RAB11FIP3: variants seen among roughly 807,000 people sequenced by gnomAD.
RAB11FIP3 encodes the protein rab11 family-interacting protein 3.
A neutral mutation model predicts 77.8 loss-of-function variants in RAB11FIP3; 17 were observed. The ratio of observed to expected loss-of-function variants is 0.22; its 90% CI spans 0.15 to 0.33. The LOEUF (loss-of-function observed/expected upper bound fraction) is 0.33, where lower values mean the gene tolerates loss of function less well. RAB11FIP3 is among the 10% of genes least tolerant of loss of function. RAB11FIP3 has a pLI of 1.00. For missense variants in RAB11FIP3, 1,005 were observed against 1,011.2 expected, an observed-to-expected ratio of 0.99 and a Z score of 0.08; for synonymous variants, 437 against 448.2, an observed-to-expected ratio of 0.98 and a Z score of 0.31.
chr16:510,209 G>A (rs907616366), intron 8 of RAB11FIP3, among the ~76,000 whole-genome samples: 3 of 146,906 alleles, frequency 2.0e-5, no homozygotes, highest in Non-Finnish European at 4.5e-5. Context: ...GAGCGCACGC[G>A]TTGTGTGTAG....
At chr16:482,501 G>C in intron 3 of RAB11FIP3, 24 bp from the exon 4 acceptor site, 1 of 1,610,566 alleles carries the variant, frequency 6.2e-7, no homozygotes. Context: ...TGTGCCCGCT[G>C]ACTGCTGGCG....
rs114729818 is a variant in RAB11FIP3, at chr16:468,891, C to T, written c.809-2404C>T. Among the ~76,000 whole-genome samples the T allele has an allele frequency of 6.1e-3, 927 of 152,298 alleles. 10 individuals are homozygous for T. Among genetic ancestry groups the T allele is most frequent in the African/African-American group, 0.021 (882 of 41,562 alleles). ...CCATCTGTGTTCATATCCCCTGCTC[C>T]GCCCTCTGGGGCAAGACCCTCAGAT... On this transcript the variant is annotated intron_variant, in intron 2 of 13. Transcript: ENST00000262305.
In RAB11FIP3 at chr16:507,929, C is replaced by T. The variant is rs983875866; in HGVS notation, c.1499+2302C>T. Reference sequence around the variant, plus strand: ...TTTCCCGTTTTCAGTATCATCTGCCCGTTCTGAGCCATTTGCTCTCTAGCT... The same window carrying T: ...TTTCCCGTTTTCAGTATCATCTGCCTGTTCTGAGCCATTTGCTCTCTAGCT... On this transcript the variant is annotated intron_variant, in intron 8 of 13. Coordinates refer to ENST00000262305, the MANE Select transcript of RAB11FIP3 (RefSeq NM_014700.4). The surrounding 1 kb of genome is among the most constrained non-coding windows in gnomAD (Gnocchi z 4.6). Among the ~76,000 whole-genome samples the T allele has an allele frequency of 1.6e-4, 24 of 152,372 alleles. No individual in the cohort carries two copies. The East Asian group carries it at 3.9e-3, about 24-fold the overall frequency.
At chr16:454,590 GCAAAAACCAAAAAAACCCACAAAAC>G (rs751691166) in intron 1 of RAB11FIP3, among the ~76,000 whole-genome samples, 85 of 151,844 alleles carry the variant, frequency 5.6e-4, no homozygotes, top group Non-Finnish European at 1.1e-3. Flanking sequence ...AACCCCAAAA[GCAAAAACCAAAAAAACCCACAAAAC>G]CAACCATGAA....
chr16:438,581 T>C (rs1263150587), intron 1 of RAB11FIP3, among the ~76,000 whole-genome samples: 1 of 151,120 alleles, frequency 6.6e-6, no homozygotes, highest in Non-Finnish European at 1.5e-5. Context: ...AATTTTTGTA[T>C]GTTCATATTG....
chr16:427,436 C>T (rs1035415110), intron 1 of RAB11FIP3, among the ~76,000 whole-genome samples: 2 of 152,206 alleles, frequency 1.3e-5, no homozygotes, highest in South Asian at 2.1e-4. Context: ...AGGCACTACG[C>T]ACAGTACAGT....
intron 3 of RAB11FIP3, among the ~76,000 whole-genome samples, chr16:477,261 G>GA (rs985448966): frequency 2.0e-5 from 3 of 152,004 alleles, no homozygotes; most frequent in African/African-American, 7.2e-5. Flanking sequence ...TCAAAAAAAA[G>GA]AAAAAAGAAA....
chr16:441,943 A>T (rs1333416466), intron 1 of RAB11FIP3, among the ~76,000 whole-genome samples: 1 of 152,190 alleles, frequency 6.6e-6, no homozygotes, highest in Non-Finnish European at 1.5e-5. Flanking sequence ...GGTTCACGCC[A>T]TTCTCCTGCC....
In RAB11FIP3 at chr16:461,271, T is replaced by C; in HGVS notation, c.715-133T>C. On this transcript the variant is annotated intron_variant, in intron 1 of 13. Transcript: ENST00000262305. The surrounding 1 kb of genome is among the most constrained non-coding windows in gnomAD (Gnocchi z 4.5). The stretch of plus-strand genomic sequence containing the variant: ...GACAGGAGGGGAGCTCAGGCGGTAA[T>C]GCTCCCTCACCTCCTGCTGTGCTTC... 3.2e-6 allele frequency: 2 copies of C among 618,364 alleles called. No individual in the cohort carries two copies. The highest frequency in any genetic ancestry group is 2.8e-6 in the Non-Finnish European group (1 of 353,844). The allele number at this position is 618,364 out of a possible 1,614,324, so 38.3% of individuals were successfully genotyped here.
chr16:492,829 C>T (rs1242327770), intron 5 of RAB11FIP3, among the ~76,000 whole-genome samples: 2 of 152,102 alleles, frequency 1.3e-5, no homozygotes, highest in Non-Finnish European at 2.9e-5. Flanking sequence ...GAACTAGCTC[C>T]AAGATGGCCA....
chr16:492,394 C>CCCGGGAGACCCGAGGCCGTCCAGGGCCCT, intron 5 of RAB11FIP3, among the ~76,000 whole-genome samples: 1 of 32,116 alleles, frequency 3.1e-5, no homozygotes, highest in African/African-American at 1.3e-4. Flanking sequence ...CCAGAGCCCT[C>CCCGGGAGACCCGAGGCCGTCCAGGGCCCT]CCCGGGAGAC....
chr16:485,344 G>T lies in RAB11FIP3; in HGVS notation c.1115+2608G>T, dbSNP rs528512001. On this transcript the variant is annotated intron_variant, in intron 4 of 13. Transcript: ENST00000262305. The stretch of plus-strand genomic sequence containing the variant: ...TCCTTTCGATATGAGTCCCTTATGG[G>T]GTGTGGGTATCACAGATCCTTTTTG... Among the ~76,000 whole-genome samples, 42 of 152,208 alleles carry T rather than the reference G, an allele frequency of 2.8e-4. 1 individual carries two copies. The South Asian group carries it at 8.3e-3, about 30-fold the overall frequency.
At chr16:520,344 G>A in intron 12 of RAB11FIP3, 67 bp downstream of exon 12, 1 of 1,569,246 alleles carries the variant, frequency 6.4e-7, no homozygotes, top group Non-Finnish European at 8.6e-7. Context: ...GTTGGGAAGG[G>A]GGGGCCGTGG....
At position 505,297 on chromosome 16, in the gene RAB11FIP3, C is replaced by T. The variant is rs1457566338; in HGVS notation, c.1396-227C>T. Among the ~76,000 whole-genome samples, 1 of 152,126 alleles carries T rather than the reference C, an allele frequency of 6.6e-6. No homozygotes were observed. Among genetic ancestry groups the T allele is most frequent in the Non-Finnish European group, 1.5e-5 (1 of 68,042 alleles). Reference sequence around the variant, plus strand: ...GCCCCGAGCCCTCAGAGCTGCGGCACTGTGTGCATTTGTGGGTCGAATGAC... The same window carrying T: ...GCCCCGAGCCCTCAGAGCTGCGGCATTGTGTGCATTTGTGGGTCGAATGAC... On this transcript the variant is annotated intron_variant, in intron 7 of 13. Transcript: ENST00000262305. The surrounding 1 kb of genome is among the most constrained non-coding windows in gnomAD (Gnocchi z 4.0).
intron 5 of RAB11FIP3, among the ~76,000 whole-genome samples, chr16:492,135 G>A (rs1349697733): frequency 3.9e-5 from 6 of 152,198 alleles, no homozygotes; most frequent in East Asian, 1.9e-4. Context: ...GCTGGCGGGC[G>A]CTCACTGCCC....
At chr16:502,943 T>C in intron 6 of RAB11FIP3, 61 bp from the exon 7 acceptor site, 3 of 1,334,886 alleles carry the variant, frequency 2.2e-6, no homozygotes, top group Non-Finnish European at 3.2e-6. Flanking sequence ...GTGCTTGTGC[T>C]GACGGAGCAT....
At chr16:450,489 A>T (rs1377359948) in intron 1 of RAB11FIP3, among the ~76,000 whole-genome samples, 3 of 152,162 alleles carry the variant, frequency 2.0e-5, no homozygotes, top group Non-Finnish European at 2.9e-5. Flanking sequence ...CAAGTATTGG[A>T]TAACTTTTTA....
chr16:442,829 G>A (rs564724670), intron 1 of RAB11FIP3, among the ~76,000 whole-genome samples: 1 of 152,214 alleles, frequency 6.6e-6, no homozygotes, highest in African/African-American at 2.4e-5. Flanking sequence ...GTGCTAGAGC[G>A]GTCATCTCTG....
intron 4 of RAB11FIP3, among the ~76,000 whole-genome samples, chr16:486,996 A>T (rs1054345553): frequency 3.9e-5 from 6 of 152,234 alleles, no homozygotes; most frequent in African/African-American, 1.4e-4. Flanking sequence ...GCCTAATTTT[A>T]GATGGCGGCT....
Sources: allele counts gnomAD v4.1 joint callset (sites outside exome capture counted in the v4.1 genomes callset), GRCh38; gene constraint gnomAD v4.1.1; non-coding constraint Gnocchi (gnomAD v3.1); transcripts MANE v1.5; gene names NCBI Gene and HGNC (gene_info 2026-07-23, HGNC 2026-07-21).